FHIT: variants seen among roughly 807,000 people sequenced by gnomAD.
FHIT encodes the protein bis(5'-adenosyl)-triphosphatase.
A neutral mutation model predicts 17.9 loss-of-function variants in FHIT; 19 were observed. The observed-to-expected ratio is 1.06, with a 90% CI of 0.74 to 1.56. FHIT has a LOEUF of 1.56. Among genes scored for constraint, FHIT ranks in the 40% most tolerant of loss-of-function variants. The probability of loss-of-function intolerance (pLI) is 0.00; values close to 1 mark genes in which losing one functional copy is unlikely to be tolerated. For synonymous variants in FHIT, 81 were observed against 69.7 expected (o/e 1.16, Z -0.81); for missense variants, 248 against 189.2 (o/e 1.31, Z -1.82).
chr3:59,980,806 T>C (rs1708620702), intron 7 of FHIT, among the ~76,000 whole-genome samples: 1 of 152,144 alleles, frequency 6.6e-6, no homozygotes, highest in Non-Finnish European at 1.5e-5. Flanking sequence ...GCCTCAAGAA[T>C]GTGAGAAAAA....
chr3:60,647,197 G>A (rs577816245), intron 4 of FHIT, among the ~76,000 whole-genome samples: 12 of 152,302 alleles, frequency 7.9e-5, no homozygotes, highest in South Asian at 2.1e-4. Context: ...TTGCTTTAGC[G>A]TGAGGCAGAA....
chr3:59,782,612 A>G (rs962778274), intron 8 of FHIT, among the ~76,000 whole-genome samples: 14 of 152,206 alleles, frequency 9.2e-5, no homozygotes, highest in African/African-American at 3.4e-4. Flanking sequence ...AGACAGTTCA[A>G]TACCATGATG....
chr3:60,367,330 C>T (rs1700150023), intron 5 of FHIT, among the ~76,000 whole-genome samples: 1 of 152,164 alleles, frequency 6.6e-6, no homozygotes, highest in South Asian at 2.1e-4. Context: ...AGCTAACACT[C>T]CTCAAAGTAC....
chr3:60,804,088 C>T (rs1701297910), intron 4 of FHIT, among the ~76,000 whole-genome samples: 1 of 152,116 alleles, frequency 6.6e-6, no homozygotes, highest in African/African-American at 2.4e-5. Context: ...CGGAAGGCAG[C>T]GGAGGCAGAA....
chr3:60,500,017 T>C (rs1319494481), intron 5 of FHIT, among the ~76,000 whole-genome samples: 1 of 152,234 alleles, frequency 6.6e-6, no homozygotes, highest in East Asian at 1.9e-4. Flanking sequence ...GACTATTCAT[T>C]ATTGTATACC....
chr3:59,867,228 C>T lies in FHIT; in HGVS notation c.348+55118G>A, dbSNP rs567379678. Among the ~76,000 whole-genome samples, 4 of 85,554 alleles carry T rather than the reference C, an allele frequency of 4.7e-5. No individual in the cohort carries two copies. The South Asian group carries it at 1.5e-3, about 32-fold the overall frequency. 56.1% of individuals were successfully genotyped at this position (85,554 alleles called of 152,430 possible). A position where few individuals can be genotyped will look rare whatever the true frequency, so the allele number is the denominator to read the frequency against. On this transcript the variant is annotated intron_variant, in intron 8 of 9. Coordinates refer to ENST00000492590, the MANE Select transcript of FHIT (RefSeq NM_002012.4). ...CATTAGTGGTAGTTTATGAAGATCA[C>T]CGACATTCTCTTTGTTATGGAGTTT...
chr3:61,023,926 G>C (rs1416986495), intron 3 of FHIT, among the ~76,000 whole-genome samples: 3 of 152,002 alleles, frequency 2.0e-5, no homozygotes, highest in Non-Finnish European at 4.4e-5. Context: ...TACCATTCAG[G>C]ACATAGGCAT....
At chr3:60,548,446 A>C (rs1054553147) in intron 4 of FHIT, among the ~76,000 whole-genome samples, 2 of 152,344 alleles carry the variant, frequency 1.3e-5, no homozygotes, top group Non-Finnish European at 2.9e-5. Flanking sequence ...GCCGAAGTTT[A>C]AGAAACTCAG....
intron 5 of FHIT, among the ~76,000 whole-genome samples, chr3:60,477,951 G>A (rs1030079889): frequency 1.3e-5 from 2 of 152,158 alleles, no homozygotes; most frequent in African/African-American, 4.8e-5. Flanking sequence ...CCCCTGGAAG[G>A]AGAAAGTGCA....
At chr3:59,869,772 C>T (rs1158055462) in intron 8 of FHIT, among the ~76,000 whole-genome samples, 1 of 151,898 alleles carries the variant, frequency 6.6e-6, no homozygotes, top group East Asian at 1.9e-4. Context: ...AGGTGTGAGC[C>T]ACCACAACCG....
intron 8 of FHIT, among the ~76,000 whole-genome samples, chr3:59,785,503 G>T (rs659193): frequency 0.67 from 101,995 of 151,280 alleles, 34,766 homozygotes; most frequent in Middle Eastern, 0.73. Flanking sequence ...TAGACGTGGG[G>T]TTTTACCATG....
At chr3:59,989,905 C>T (rs1452203785) in intron 7 of FHIT, among the ~76,000 whole-genome samples, 1 of 152,042 alleles carries the variant, frequency 6.6e-6, no homozygotes. Flanking sequence ...GGTTCCTCCC[C>T]ACTCTTCCTC....
chr3:60,871,507 T>G (rs1288615238), intron 3 of FHIT, among the ~76,000 whole-genome samples: 2 of 152,140 alleles, frequency 1.3e-5, no homozygotes, highest in Non-Finnish European at 2.9e-5. Context: ...AATAGTAAGT[T>G]TATTAGGTAT....
chr3:60,825,654 A>C (rs1702085199), intron 3 of FHIT, among the ~76,000 whole-genome samples: 1 of 152,042 alleles, frequency 6.6e-6, no homozygotes, highest in African/African-American at 2.4e-5. Flanking sequence ...TGTGCATGCG[A>C]GGGATCTAGG....
At chr3:60,908,964 T>G (rs1553765208) in intron 3 of FHIT, among the ~76,000 whole-genome samples, 1 of 152,216 alleles carries the variant, frequency 6.6e-6, no homozygotes, top group African/African-American at 2.4e-5. Context: ...TATTCTCATT[T>G]TGGTATGCTC....
chr3:60,209,336 G>A (rs931677144), intron 5 of FHIT, among the ~76,000 whole-genome samples: 24 of 152,144 alleles, frequency 1.6e-4, no homozygotes, highest in African/African-American at 5.8e-4. Context: ...CTGTAACAGT[G>A]GCTAGGGAGA....
intron 5 of FHIT, among the ~76,000 whole-genome samples, chr3:60,369,003 C>G (rs1267508243): frequency 1.3e-5 from 2 of 151,830 alleles, no homozygotes; most frequent in East Asian, 1.9e-4. Context: ...TGAGACCGCT[C>G]ACTCTGTCAC....
chr3:60,570,143 G>A (rs2107660726), intron 4 of FHIT, among the ~76,000 whole-genome samples: 1 of 152,214 alleles, frequency 6.6e-6, no homozygotes, highest in East Asian at 1.9e-4. Context: ...CCATTGCACA[G>A]ATATGTTTGG....
chr3:59,966,121 T>C (rs13096138), intron 7 of FHIT, among the ~76,000 whole-genome samples: 50,129 of 152,142 alleles, frequency 0.33, 9,859 homozygotes, highest in East Asian at 0.58. Flanking sequence ...TTTTGGAGCC[T>C]GTGAAGAATT....
Sources: gnomAD v4.1 joint callset for allele counts (sites outside exome capture counted in the v4.1 genomes callset) on GRCh38, gnomAD v4.1.1 for gene constraint, MANE v1.5 for transcripts, NCBI Gene and HGNC (gene_info 2026-07-23, HGNC 2026-07-21) for gene names.